MAP3K7: variants seen among roughly 807,000 people sequenced by gnomAD.
MAP3K7 encodes mitogen-activated protein kinase kinase kinase 7, also known as TGF-beta activated kinase 1.
A neutral mutation model predicts 84.8 loss-of-function variants in MAP3K7; 21 were observed. That is an observed-to-expected ratio of 0.25 (90% CI 0.18 to 0.36). The LOEUF (loss-of-function observed/expected upper bound fraction) is 0.36, where lower values mean the gene tolerates loss of function less well. MAP3K7 is among the 10% of genes least tolerant of loss of function. MAP3K7 has a pLI of 1.00. For missense variants in MAP3K7, 503 were observed against 747.7 expected, an observed-to-expected ratio of 0.67 and a Z score of 3.82; for synonymous variants, 241 against 247.7, an observed-to-expected ratio of 0.97 and a Z score of 0.25.
At chr6:90,549,868 T>G (rs943573580) in intron 9 of MAP3K7, among the ~76,000 whole-genome samples, 1 of 152,190 alleles carries the variant, frequency 6.6e-6, no homozygotes, top group Non-Finnish European at 1.5e-5. Context: ...AAATGCAGGG[T>G]AAATACATGT....
intron 13 of MAP3K7, among the ~76,000 whole-genome samples, chr6:90,525,124 T>C (rs1473601016): frequency 1.3e-5 from 2 of 151,854 alleles, no homozygotes; most frequent in African/African-American, 4.8e-5. Flanking sequence ...AAAAATCAGA[T>C]TGTCAGGATG....
Position 90,586,845 on chromosome 6 carries a change from A to G in MAP3K7, c.39T>C (p.Ser13=). The G allele has an allele frequency of 6.2e-7, 1 of 1,611,156 alleles. No individual in the cohort carries two copies. Among genetic ancestry groups the G allele is most frequent in the Non-Finnish European group, 8.5e-7 (1 of 1,178,642 alleles). The stretch of plus-strand genomic sequence containing the variant: ...GGGCTTCGATCATCTCACCGGCCGA[A>G]GACGAGGAGGAGGAGGAGGCGGCAG... ...TASAASSSSS[S]SAGEMIEAPS... The change falls in exon 1 of 17, where the codon TCT becomes TCC. Residue 13 remains serine (S), a synonymous_variant. Coordinates refer to ENST00000369329, the MANE Select transcript of MAP3K7 (RefSeq NM_145331.3).
At chr6:90,525,144 C>T (rs910410698) in intron 13 of MAP3K7, among the ~76,000 whole-genome samples, 5 of 151,636 alleles carry the variant, frequency 3.3e-5, no homozygotes, top group Non-Finnish European at 5.9e-5. Flanking sequence ...GAATTAAATG[C>T]TATTTATAAG....
intron 1 of MAP3K7, among the ~76,000 whole-genome samples, chr6:90,582,142 C>T (rs1376012785): frequency 1.4e-4 from 22 of 152,144 alleles, no homozygotes; most frequent in Non-Finnish European, 3.1e-4. Flanking sequence ...GTGGCTTACT[C>T]ATAGCATCTG....
intron 6 of MAP3K7, among the ~76,000 whole-genome samples, chr6:90,554,171 C>T (rs1192059756): frequency 2.0e-5 from 3 of 152,110 alleles, no homozygotes; most frequent in Non-Finnish European, 4.4e-5. Flanking sequence ...CCTCCCGAGG[C>T]GCTGGGATCA....
rs145447636 is a variant in MAP3K7 at position 90,568,535 on chromosome 6, C to G, written c.297+23G>C. ...CTGCCATGTCATTTCTCACAGGTGA[C>G]CATGAAAAAGTAACAAACTTACTGG... On this transcript the variant is annotated intron_variant, in intron 3 of 16. Transcript: ENST00000369329. The G allele has an allele frequency of 3.4e-5, 54 of 1,590,886 alleles. No homozygotes were observed. In the East Asian group the frequency reaches 1.1e-3, roughly 33 times the overall value.
At chr6:90,565,854 GC>G (rs1776685125) in intron 3 of MAP3K7, among the ~76,000 whole-genome samples, 1 of 152,132 alleles carries the variant, frequency 6.6e-6, no homozygotes, top group Admixed American at 6.5e-5. Context: ...CCATCAAAAA[GC>G]TTATCCACCA....
At chr6:90,523,846 C>T (rs576236989) in intron 13 of MAP3K7, 63 bp from the exon 14 acceptor site, 118 of 983,170 alleles carry the variant, frequency 1.2e-4, no homozygotes, top group Non-Finnish European at 1.7e-4. Context: ...ATGACGAGAA[C>T]GTTTCCATTA....
intron 9 of MAP3K7, among the ~76,000 whole-genome samples, chr6:90,549,303 A>C (rs1031620803): frequency 6.6e-6 from 1 of 152,152 alleles, no homozygotes; most frequent in Non-Finnish European, 1.5e-5. Context: ...AGGTGTTTGA[A>C]GTCTGAGGAG....
At chr6:90,572,113 G>GA (rs1300561551) in intron 1 of MAP3K7, among the ~76,000 whole-genome samples, 11 of 149,024 alleles carry the variant, frequency 7.4e-5, no homozygotes, top group Admixed American at 3.3e-4. Flanking sequence ...GTTAAATGGA[G>GA]AAAAAAAAAC....
At chr6:90,532,527 G>A (rs1416264617) in intron 13 of MAP3K7, among the ~76,000 whole-genome samples, 6 of 152,188 alleles carry the variant, frequency 3.9e-5, no homozygotes, top group African/African-American at 1.4e-4. Flanking sequence ...AGATTATAAA[G>A]TCCATATGGA....
At chr6:90,557,568 A>C (rs1776375439) in intron 5 of MAP3K7, among the ~76,000 whole-genome samples, 1 of 152,162 alleles carries the variant, frequency 6.6e-6, no homozygotes, top group Non-Finnish European at 1.5e-5. Flanking sequence ...TACTTCAACA[A>C]AGCTTTTTTC....
chr6:90,556,733 TATC>T, intron 5 of MAP3K7, 109 bp from the exon 6 acceptor site: 1 of 1,100,388 alleles, frequency 9.1e-7, no homozygotes, highest in Non-Finnish European at 1.3e-6. Context: ...AAATGAATGT[TATC>T]ATTCAACTTC....
chr6:90,568,441 T>C (rs1776788484), intron 3 of MAP3K7, 117 bp downstream of exon 3: 1 of 704,322 alleles, frequency 1.4e-6, no homozygotes, highest in Non-Finnish European at 2.3e-6. Flanking sequence ...TGAAAAAATA[T>C]AATATTTTTG....
intron 2 of MAP3K7, 27 bp from the exon 3 acceptor site, chr6:90,568,650 A>G: frequency 1.3e-6 from 2 of 1,560,488 alleles, no homozygotes; most frequent in Non-Finnish European, 1.7e-6. Context: ...GTTTCTTTTA[A>G]AAAGTGATAA....
intron 4 of MAP3K7, 65 bp downstream of exon 4, chr6:90,561,557 G>T: frequency 3.3e-6 from 4 of 1,218,584 alleles, no homozygotes; most frequent in Non-Finnish European, 3.6e-6. Flanking sequence ...ACAACTTAGG[G>T]TTTATATTAA....
At chr6:90,544,699 C>T (rs1235313456) in intron 11 of MAP3K7, 67 bp from the exon 12 acceptor site, 1 of 1,276,382 alleles carries the variant, frequency 7.8e-7, no homozygotes, top group Non-Finnish European at 1.1e-6. Context: ...AAATGATTAA[C>T]TACAAAAATA....
chr6:90,546,983 C>A (rs1020856958), intron 11 of MAP3K7, among the ~76,000 whole-genome samples: 2 of 152,100 alleles, frequency 1.3e-5, no homozygotes, highest in African/African-American at 4.8e-5. Context: ...ACTTTCAACT[C>A]ATGTTTGAGC....
At chr6:90,569,417 C>A (rs1018930336) in intron 2 of MAP3K7, among the ~76,000 whole-genome samples, 2 of 152,180 alleles carry the variant, frequency 1.3e-5, no homozygotes, top group African/African-American at 2.4e-5. Flanking sequence ...ATCCAATGAT[C>A]CATACAGAGG....
Sources: allele counts gnomAD v4.1 joint callset (sites outside exome capture counted in the v4.1 genomes callset), GRCh38; gene constraint gnomAD v4.1.1; transcripts MANE v1.5; gene names NCBI Gene and HGNC (gene_info 2026-07-23, HGNC 2026-07-21).